The following TENM2 variants were observed in gnomAD, a reference collection of about 807,000 sequenced individuals.
TENM2 encodes teneurin-2.
A neutral mutation model predicts 245.2 loss-of-function variants in TENM2; 52 were observed. That is an observed-to-expected ratio of 0.21 (90% CI 0.17 to 0.27). The LOEUF is 0.27. Among genes scored for constraint, TENM2 ranks in the 10% least tolerant of loss-of-function variants. The probability of loss-of-function intolerance (pLI) is 1.00; values close to 1 mark genes in which losing one functional copy is unlikely to be tolerated. For synonymous variants in TENM2, 1,363 were observed against 1,438.9 expected, an observed-to-expected ratio of 0.95 and a Z score of 1.19; for missense variants, 3,046 against 3,666.8, an observed-to-expected ratio of 0.83 and a Z score of 4.37.
At chr5:167,179,786 G>GC in the TENM2 span, among the ~76,000 whole-genome samples, 1 of 152,108 alleles carries the variant, frequency 6.6e-6, no homozygotes, top group East Asian at 1.9e-4. Context: ...CAGGTCCTTA[G>GC]CCCCTGTCAA....
At chr5:167,581,410 A>G (rs977726091) in intron 2 of TENM2, among the ~76,000 whole-genome samples, 1 of 152,216 alleles carries the variant, frequency 6.6e-6, no homozygotes, top group Non-Finnish European at 1.5e-5. Context: ...GCAGTCGATG[A>G]TGTAGTATAA....
chr5:167,852,208 T>G (rs757363618), intron 2 of TENM2, among the ~76,000 whole-genome samples: 2 of 152,222 alleles, frequency 1.3e-5, no homozygotes, highest in African/African-American at 2.4e-5. Context: ...AAGTCAAAAG[T>G]AGAACTAATA....
At chr5:168,142,862 A>C (rs1462111871) in intron 12 of TENM2, among the ~76,000 whole-genome samples, 1 of 152,242 alleles carries the variant, frequency 6.6e-6, no homozygotes, top group African/African-American at 2.4e-5. Context: ...GGAATATAGT[A>C]GATGCTCAGT....
At chr5:168,242,973 T>G (rs555709007) in intron 25 of TENM2, among the ~76,000 whole-genome samples, 17 of 138,800 alleles carry the variant, frequency 1.2e-4, no homozygotes, top group Admixed American at 4.2e-4. Flanking sequence ...AAAAAAAAAC[T>G]TATTATTACT....
intron 2 of TENM2, among the ~76,000 whole-genome samples, chr5:167,645,378 C>A (rs530192310): frequency 6.6e-6 from 1 of 152,082 alleles, no homozygotes; most frequent in South Asian, 2.1e-4. Flanking sequence ...AATGTTCAAA[C>A]GCAAAGGAAG....
chr5:167,048,555 A>G, the TENM2 span, among the ~76,000 whole-genome samples: 1 of 152,220 alleles, frequency 6.6e-6, no homozygotes, highest in South Asian at 2.1e-4. Flanking sequence ...AAATAAATTC[A>G]GAATCTGAAC....
At chr5:167,751,347 G>C (rs928125782) in intron 2 of TENM2, among the ~76,000 whole-genome samples, 2 of 152,198 alleles carry the variant, frequency 1.3e-5, no homozygotes, top group Admixed American at 1.3e-4. Context: ...TATAAAGACA[G>C]TAAGAGTGAT....
chr5:167,153,441 C>T, the TENM2 span, among the ~76,000 whole-genome samples: 25 of 151,854 alleles, frequency 1.6e-4, no homozygotes, highest in African/African-American at 5.3e-4. Flanking sequence ...CATCTTCAAA[C>T]GTTGAGTAGA....
chr5:167,293,500 A>G (rs1047156819), intron 1 of TENM2, among the ~76,000 whole-genome samples: 5 of 151,326 alleles, frequency 3.3e-5, no homozygotes, highest in Admixed American at 6.6e-5. Flanking sequence ...GATTACAGGC[A>G]TGAGCCACCG....
intron 2 of TENM2, among the ~76,000 whole-genome samples, chr5:167,874,018 G>T (rs947611713): frequency 3.9e-5 from 6 of 152,106 alleles, no homozygotes; most frequent in South Asian, 2.1e-4. Context: ...TGCCTCTGCT[G>T]CTGTTCATCC....
At chr5:167,633,909 G>A (rs1779029074) in intron 2 of TENM2, among the ~76,000 whole-genome samples, 1 of 152,164 alleles carries the variant, frequency 6.6e-6, no homozygotes, top group South Asian at 2.1e-4. Context: ...TGGTTCATTG[G>A]TTCAAACCCA....
Position 168,183,109 on chromosome 5 carries a change from C to T in TENM2, c.2570-7228C>T, listed in dbSNP as rs183768951. ...CTTCTCAAAGTGCTGGGATTACAGG[C>T]GTGAGCCACCGCCCCCGGCCCAGGG... On this transcript the variant is annotated intron_variant, in intron 13 of 28. Coordinates refer to ENST00000518659, the Ensembl canonical transcript of TENM2. Among the ~76,000 whole-genome samples, 19 of 152,230 alleles carry T rather than the reference C, an allele frequency of 1.2e-4. No homozygotes were observed. In the East Asian group the frequency reaches 3.5e-3, roughly 28 times the overall value.
intron 1 of TENM2, among the ~76,000 whole-genome samples, chr5:167,343,768 T>C (rs1016651469): frequency 2.6e-5 from 4 of 152,218 alleles, no homozygotes; most frequent in Admixed American, 6.5e-5. Context: ...AAGATAATTA[T>C]ATTTTGGTTT....
intron 2 of TENM2, among the ~76,000 whole-genome samples, chr5:167,476,748 G>A (rs1361507148): frequency 6.6e-6 from 1 of 152,056 alleles, no homozygotes; most frequent in East Asian, 1.9e-4. Flanking sequence ...ACAGGCACCT[G>A]CTGTCACGCC....
At chr5:168,150,724 T>A (rs544499293) in intron 12 of TENM2, among the ~76,000 whole-genome samples, 1 of 152,280 alleles carries the variant, frequency 6.6e-6, no homozygotes, top group Admixed American at 6.5e-5. Context: ...TCAAAGCAAG[T>A]AATATGATAT....
chr5:167,481,487 C>G (rs1460957233), intron 2 of TENM2, among the ~76,000 whole-genome samples: 3 of 152,174 alleles, frequency 2.0e-5, no homozygotes, highest in Non-Finnish European at 4.4e-5. Context: ...TTGTCTATGG[C>G]TGCTTCCATA....
chr5:167,971,429 G>A (rs1042740102), intron 4 of TENM2, among the ~76,000 whole-genome samples: 20 of 152,206 alleles, frequency 1.3e-4, no homozygotes, highest in African/African-American at 3.9e-4. Flanking sequence ...AGCTGGACGC[G>A]GTGCCTCACA....
chr5:167,106,921 C>A, the TENM2 span, among the ~76,000 whole-genome samples: 1 of 151,608 alleles, frequency 6.6e-6, no homozygotes, highest in Non-Finnish European at 1.5e-5. Flanking sequence ...GCCAAAAATG[C>A]AACAAACAAA....
the TENM2 span, among the ~76,000 whole-genome samples, chr5:167,258,869 C>CA: frequency 1.7e-4 from 26 of 151,778 alleles, no homozygotes; most frequent in East Asian, 4.5e-3. Flanking sequence ...TTCACAATGA[C>CA]AAAAAAAGGG....
Sources: gnomAD v4.1 joint callset for allele counts (sites outside exome capture counted in the v4.1 genomes callset) on GRCh38, gnomAD v4.1.1 for gene constraint, MANE v1.5 for transcripts, NCBI Gene and HGNC (gene_info 2026-07-23, HGNC 2026-07-21) for gene names.